TNIK: variants seen among roughly 807,000 people sequenced by gnomAD.
The protein encoded by TNIK is TRAF2 and NCK-interacting protein kinase.
A neutral mutation model predicts 191.3 loss-of-function variants in TNIK; 49 were observed. The observed-to-expected ratio is 0.26, with a 90% confidence interval of 0.20 to 0.32. TNIK has a LOEUF of 0.32. Among genes scored for constraint, TNIK ranks in the 10% least tolerant of loss-of-function variants. The probability of loss-of-function intolerance (pLI) is 1.00; values close to 1 mark genes in which losing one functional copy is unlikely to be tolerated. For synonymous variants in TNIK, 594 were observed against 600.9 expected, an observed-to-expected ratio of 0.99 and a Z score of 0.17; for missense variants, 1,155 against 1,702.3, an observed-to-expected ratio of 0.68 and a Z score of 5.66.
intron 2 of TNIK, among the ~76,000 whole-genome samples, chr3:171,300,750 T>G (rs1190962053): frequency 6.6e-6 from 1 of 152,210 alleles, no homozygotes; most frequent in African/African-American, 2.4e-5. Flanking sequence ...CACAATGTTT[T>G]TCTAGACCTT....
intron 5 of TNIK, among the ~76,000 whole-genome samples, chr3:171,191,399 C>G (rs547327444): frequency 6.6e-6 from 1 of 152,088 alleles, no homozygotes; most frequent in Non-Finnish European, 1.5e-5. Context: ...CCTGCCACCA[C>G]GCCAGGCTAA....
chr3:171,187,336 G>A (rs1389469699), intron 7 of TNIK, among the ~76,000 whole-genome samples: 1 of 152,172 alleles, frequency 6.6e-6, no homozygotes, highest in Non-Finnish European at 1.5e-5. Context: ...TAACTTGGCA[G>A]CTGTTTTCAG....
intron 9 of TNIK, among the ~76,000 whole-genome samples, chr3:171,167,829 A>G (rs1734790582): frequency 6.6e-6 from 1 of 152,242 alleles, no homozygotes; most frequent in Non-Finnish European, 1.5e-5. Context: ...AATGAGCAAG[A>G]TTTTTATATG....
rs528455439 is a variant in TNIK at position 171,177,495 on chromosome 3, A to G, written c.640-115T>C. On this transcript the variant is annotated intron_variant, in intron 7 of 32. Coordinates refer to ENST00000436636, the MANE Select transcript of TNIK (RefSeq NM_015028.4). ...AAGTCATTCAGTTTTCTGTTTACAA[A>G]CCTATTTCTTCCACTAACCTTCAAA... 6.3e-6 allele frequency: 8 copies of G among 1,278,054 alleles called. No individual in the cohort carries two copies. The Admixed American group carries it at 1.9e-4, about 30-fold the overall frequency. The allele number at this position is 1,278,054 out of a possible 1,614,324, so 79.2% of individuals were successfully genotyped here.
At chr3:171,330,744 A>G (rs562776587) in intron 2 of TNIK, among the ~76,000 whole-genome samples, 10 of 152,138 alleles carry the variant, frequency 6.6e-5, no homozygotes, top group South Asian at 2.1e-4. Context: ...CCCAACCCCA[A>G]TGAGAACCAC....
intron 18 of TNIK, among the ~76,000 whole-genome samples, chr3:171,120,099 T>C (rs1386900395): frequency 2.0e-5 from 3 of 152,154 alleles, no homozygotes; most frequent in Non-Finnish European, 4.4e-5. Context: ...GGTATACCGT[T>C]GCATACTGAT....
chr3:171,418,893 T>C (rs1226631252), intron 1 of TNIK, among the ~76,000 whole-genome samples: 3 of 152,176 alleles, frequency 2.0e-5, no homozygotes, highest in Non-Finnish European at 4.4e-5. Flanking sequence ...TACAGTAATC[T>C]CAGATCGTGG....
intron 27 of TNIK, 90 bp from the exon 28 acceptor site, chr3:171,079,742 T>C: frequency 1.4e-6 from 2 of 1,422,580 alleles, no homozygotes; most frequent in Non-Finnish European, 1.9e-6. Flanking sequence ...ATTTATTTTA[T>C]TTACGTGTGT....
At chr3:171,167,305 C>T (rs141479167) in intron 9 of TNIK, 35 bp from the exon 10 acceptor site, 73 of 1,596,210 alleles carry the variant, frequency 4.6e-5, no homozygotes, top group East Asian at 9.0e-5. Flanking sequence ...ACAGATAAAA[C>T]GGCGATCCAA....
At chr3:171,268,451 AC>A (rs1392554126) in intron 2 of TNIK, among the ~76,000 whole-genome samples, 2 of 152,054 alleles carry the variant, frequency 1.3e-5, no homozygotes, top group Admixed American at 6.6e-5. Flanking sequence ...CTACTCTGCT[AC>A]TTGGCTTTAA....
At chr3:171,360,067 G>A (rs537998058) in intron 2 of TNIK, among the ~76,000 whole-genome samples, 2 of 152,188 alleles carry the variant, frequency 1.3e-5, no homozygotes, top group Non-Finnish European at 2.9e-5. Flanking sequence ...TTGGACTAAA[G>A]CATTCTAAAT....
At chr3:171,314,375 A>G (rs552351761) in intron 2 of TNIK, among the ~76,000 whole-genome samples, 2 of 152,290 alleles carry the variant, frequency 1.3e-5, no homozygotes, top group Admixed American at 6.5e-5. Context: ...AGCCTTGAAA[A>G]TATGACTCAA....
At chr3:171,252,063 CGTGTGTGTGTGTGTGTGCGT>C (rs1411270471) in intron 2 of TNIK, among the ~76,000 whole-genome samples, 2 of 131,518 alleles carry the variant, frequency 1.5e-5, no homozygotes, top group African/African-American at 5.7e-5. Context: ...ATCTGGTATG[CGTGTGTGTGTGTGTGTGCGT>C]GTGTGTGTGT....
At chr3:171,131,370 A>C (rs906540431) in intron 15 of TNIK, among the ~76,000 whole-genome samples, 21 of 146,798 alleles carry the variant, frequency 1.4e-4, no homozygotes, top group African/African-American at 5.4e-4. Context: ...AAAAAAAAAA[A>C]AAAAGAAATG....
Position 171,140,409 on chromosome 3 carries a change from T to C in TNIK, c.1322A>G (p.Glu441Gly). The change falls in exon 13 of 33, where the codon GAG becomes GGG. Residue 441 changes from glutamate to glycine, a missense_variant. Physicochemically the swap from Glu to Gly is moderately conservative, Grantham distance 98 (BLOSUM62 -2). This residue lies in a region of TNIK where 735 missense variants were observed against 848.0 expected (regional missense o/e 0.87). Transcript: ENST00000436636. ...TGGTCCCAGCTGTACCTGTTCATGCTCCGCACGCCTCCTCTCCTCCTCCCG... is the reference window on the plus strand; with the variant it reads ...TGGTCCCAGCTGTACCTGTTCATGCCCCGCACGCCTCCTCTCCTCCTCCCG... ...MRREEERRRA[E>G]HEQEYIRRQL... is the part of the protein sequence containing the mutation. The C allele has an allele frequency of 1.3e-6, 2 of 1,593,716 alleles. No individual in the cohort carries two copies. Among genetic ancestry groups the C allele is most frequent in the Non-Finnish European group, 1.7e-6 (2 of 1,170,014 alleles).
chr3:171,329,166 A>C (rs917898108), intron 2 of TNIK, among the ~76,000 whole-genome samples: 1 of 152,122 alleles, frequency 6.6e-6, no homozygotes, highest in Non-Finnish European at 1.5e-5. Context: ...TGACACGTTA[A>C]CTATTACTTA....
chr3:171,393,469 A>G (rs930005228), intron 1 of TNIK, among the ~76,000 whole-genome samples: 1 of 152,198 alleles, frequency 6.6e-6, no homozygotes, highest in East Asian at 1.9e-4. Flanking sequence ...TTTCTTTTCA[A>G]TCATGCCATG....
chr3:171,112,606 A>G (rs981417957), intron 18 of TNIK, among the ~76,000 whole-genome samples: 1 of 151,988 alleles, frequency 6.6e-6, no homozygotes, highest in African/African-American at 2.4e-5. Context: ...ACAAACATCA[A>G]ACTCACAGAA....
intron 1 of TNIK, among the ~76,000 whole-genome samples, chr3:171,410,392 T>C (rs1218377047): frequency 6.6e-6 from 1 of 152,202 alleles, no homozygotes; most frequent in Non-Finnish European, 1.5e-5. Flanking sequence ...GATGAGTATC[T>C]TCAGCTTCCT....
Sources: allele counts gnomAD v4.1 joint callset (sites outside exome capture counted in the v4.1 genomes callset), GRCh38; gene constraint gnomAD v4.1.1; regional missense constraint gnomAD v4.1.1; transcripts MANE v1.5; gene names NCBI Gene and HGNC (gene_info 2026-07-23, HGNC 2026-07-21).